CPO: variants seen among roughly 807,000 people sequenced by gnomAD.
CPO encodes metallocarboxypeptidase C.
In CPO, 43 loss-of-function variants were observed where a neutral mutation model predicts 41.2. The observed-to-expected ratio is 1.04, with a 90% CI of 0.82 to 1.35. CPO has a LOEUF of 1.35. CPO is among the 40% of genes most tolerant of loss of function. The pLI, the probability that CPO is intolerant of heterozygous loss-of-function variation, is 0.00. For missense variants in CPO, 408 were observed against 451.7 expected, an observed-to-expected ratio of 0.90 and a Z score of 0.88; for synonymous variants, 178 against 162.7, an observed-to-expected ratio of 1.09 and a Z score of -0.72.
intron 7 of CPO, among the ~76,000 whole-genome samples, chr2:206,966,329 C>T (rs954071570): frequency 2.6e-5 from 4 of 151,376 alleles, no homozygotes; most frequent in African/African-American, 9.7e-5. Flanking sequence ...CCCACATGGA[C>T]CAGTTAGCAT....
intron 3 of CPO, among the ~76,000 whole-genome samples, chr2:206,957,943 C>G (rs1693403016): frequency 6.6e-6 from 1 of 152,166 alleles, no homozygotes; most frequent in Non-Finnish European, 1.5e-5. Flanking sequence ...ACTCTAAGTG[C>G]AAAGGTTTTA....
At chr2:206,942,392 A>G (rs1693046439) in intron 1 of CPO, among the ~76,000 whole-genome samples, 1 of 152,034 alleles carries the variant, frequency 6.6e-6, no homozygotes, top group African/African-American at 2.4e-5. Context: ...CATACCTTCT[A>G]CGTTTTCCAT....
chr2:206,945,518 A>C (rs1693125876), intron 1 of CPO, among the ~76,000 whole-genome samples: 1 of 152,204 alleles, frequency 6.6e-6, no homozygotes, highest in South Asian at 2.1e-4. Context: ...TATTCGCTGT[A>C]TGACTTACTA....
At chr2:206,958,552 A>C (rs1693416585) in intron 4 of CPO, 147 bp downstream of exon 4, 1 of 484,932 alleles carries the variant, frequency 2.1e-6, no homozygotes, top group Non-Finnish European at 3.7e-6. Context: ...AAATAAAATT[A>C]ATGAGGAACT....
At chr2:206,956,581 C>A (rs1693363347) in intron 3 of CPO, among the ~76,000 whole-genome samples, 1 of 152,248 alleles carries the variant, frequency 6.6e-6, no homozygotes, top group East Asian at 1.9e-4. Context: ...GTTTCAGAAC[C>A]AGAGTGCATT....
chr2:206,968,139 T>A (rs1693619533), intron 7 of CPO, 124 bp from the exon 8 acceptor site: 2 of 712,940 alleles, frequency 2.8e-6, no homozygotes, highest in Non-Finnish European at 5.1e-6. Context: ...GATGTAGATG[T>A]CCGATGGGAA....
At position 206,969,259 on chromosome 2, in the gene CPO, A is replaced by G. The variant is rs7582305; in HGVS notation, c.948A>G (p.Thr316=). ...SYTFELRDSG[T]YGFVLPEAQI... is the part of the protein sequence containing the mutation. ...CGTTTGAGCTGAGGGACAGTGGAAC[A>G]TATGGGTTTGTTCTGCCAGAAGCTC... Residue 316 remains threonine, a synonymous_variant, in exon 9 of 9, where the codon ACA becomes ACG. Transcript: ENST00000272852. The G allele has an allele frequency of 0.3, 486,751 of 1,613,668 alleles. 74,499 individuals are homozygous for G. The highest frequency in any genetic ancestry group is 0.36 in the Middle Eastern group (2,185 of 6,062).
chr2:206,950,549 A>G (rs1355416900), intron 2 of CPO, among the ~76,000 whole-genome samples: 1 of 152,206 alleles, frequency 6.6e-6, no homozygotes, highest in Non-Finnish European at 1.5e-5. Flanking sequence ...AACTAGAAAT[A>G]CTATTTGACC....
intron 2 of CPO, among the ~76,000 whole-genome samples, chr2:206,952,277 T>C (rs1693279362): frequency 6.6e-6 from 1 of 151,952 alleles, no homozygotes; most frequent in African/African-American, 2.4e-5. Context: ...CATGCCCAGC[T>C]AATTTTTTTG....
chr2:206,953,364 C>CA lies in CPO; in HGVS notation c.166-2091dup, dbSNP rs375424672. Among the ~76,000 whole-genome samples, 85 of 151,680 alleles carry CA rather than the reference C, an allele frequency of 5.6e-4. 1 individual carries two copies. The highest frequency in any genetic ancestry group is 1.5e-3 in the African/African-American group (64 of 41,386). ...TGGGTAAATACACCCATTCCAAATGCAAAAAAAATGGCTAAAACAAAGGGG... is the reference window on the plus strand; with the variant it reads ...TGGGTAAATACACCCATTCCAAATGCAAAAAAAAATGGCTAAAACAAAGGGG... On this transcript the variant is annotated intron_variant, in intron 2 of 8. Coordinates refer to ENST00000272852, the MANE Select transcript of CPO (RefSeq NM_173077.3).
At chr2:206,941,756 A>G (rs1381310976) in intron 1 of CPO, among the ~76,000 whole-genome samples, 1 of 152,286 alleles carries the variant, frequency 6.6e-6, no homozygotes, top group East Asian at 1.9e-4. Flanking sequence ...TTTATTCACT[A>G]CATGTGATAA....
Position 206,959,865 on chromosome 2 carries a change from C to T in CPO, c.483+124C>T, listed in dbSNP as rs191551946. On this transcript the variant is annotated intron_variant, in intron 5 of 8. Coordinates refer to ENST00000272852, the MANE Select transcript of CPO (RefSeq NM_173077.3). ...CATACCTATGTAAAGAAAGGAACCC[C>T]ATTTGGGATAAAAATCAGCTTAACA... 134 of 526,062 alleles carry T rather than the reference C, an allele frequency of 2.5e-4. 1 individual carries two copies. Among genetic ancestry groups the T allele is most frequent in the South Asian group, 7.1e-4 (20 of 28,012 alleles). 32.6% of individuals were successfully genotyped at this position (526,062 alleles called of 1,614,324 possible). A position where few individuals can be genotyped will look rare whatever the true frequency, so the allele number is the denominator to read the frequency against.
chr2:206,946,801 C>T (rs1176848528), intron 1 of CPO, among the ~76,000 whole-genome samples: 1 of 152,032 alleles, frequency 6.6e-6, no homozygotes, highest in Non-Finnish European at 1.5e-5. Flanking sequence ...CAATTGATTT[C>T]CTATGTAACA....
Position 206,962,547 on chromosome 2 carries a change from C to CTT in CPO, c.711_712dup (p.Tyr238PhefsTer5). 3.7e-6 allele frequency: 6 copies of CTT among 1,614,152 alleles called. No individual in the cohort carries two copies. Among genetic ancestry groups the CTT allele is most frequent in the Non-Finnish European group, 5.1e-6 (6 of 1,179,994 alleles). On this transcript the variant is annotated frameshift_variant, in exon 7 of 9. Coordinates refer to ENST00000272852, the MANE Select transcript of CPO (RefSeq NM_173077.3). LOFTEE classifies it high-confidence loss of function. ...ATTTTGTGCTTCCTGACCATGCACT[C>CTT]TTATGGGCAGTTAATTCTCACACCT...
intron 6 of CPO, 59 bp downstream of exon 6, chr2:206,961,001 G>T (rs1391105866): frequency 1.2e-5 from 14 of 1,141,034 alleles, no homozygotes; most frequent in African/African-American, 1.5e-5. Context: ...TAAGAAAAGA[G>T]GTGAATTACT....
At chr2:206,959,594 C>A in intron 4 of CPO, 37 bp from the exon 5 acceptor site, 1 of 954,526 alleles carries the variant, frequency 1.0e-6, no homozygotes, top group African/African-American at 1.6e-5. Context: ...GAAAAGATCT[C>A]AAAATAATTC....
At chr2:206,958,804 C>T (rs1430707388) in intron 4 of CPO, among the ~76,000 whole-genome samples, 3 of 135,698 alleles carry the variant, frequency 2.2e-5, no homozygotes, top group African/African-American at 2.8e-5. Flanking sequence ...TGTAATGGCA[C>T]GATCTCAGCT....
At chr2:206,967,344 T>TATAG (rs1553512790) in intron 7 of CPO, among the ~76,000 whole-genome samples, 5 of 76,784 alleles carry the variant, frequency 6.5e-5, no homozygotes, top group African/African-American at 2.5e-4. Flanking sequence ...TATATATATA[T>TATAG]ATATATAGAT....
chr2:206,948,972 T>C (rs1437747788), intron 1 of CPO, among the ~76,000 whole-genome samples: 1 of 152,000 alleles, frequency 6.6e-6, no homozygotes, highest in East Asian at 1.9e-4. Flanking sequence ...TGTGTGAGAA[T>C]AGCAGGTAAA....
Sources: allele counts gnomAD v4.1 joint callset (sites outside exome capture counted in the v4.1 genomes callset), GRCh38; gene constraint gnomAD v4.1.1; transcripts MANE v1.5; gene names NCBI Gene and HGNC (gene_info 2026-07-23, HGNC 2026-07-21).